FAM124A: variants seen among roughly 807,000 people sequenced by gnomAD.
The protein encoded by FAM124A is family with sequence similarity 124 member A, also known as protein FAM124A.
In FAM124A, 23 loss-of-function variants were observed where a neutral mutation model predicts 24.5. That is an observed-to-expected ratio of 0.94 (90% CI 0.68 to 1.33). The LOEUF (loss-of-function observed/expected upper bound fraction) is 1.33. FAM124A is among the 40% of genes most tolerant of loss of function. The pLI is 0.00. For synonymous variants in FAM124A, 287 were observed against 314.7 expected, an observed-to-expected ratio of 0.91 and a Z score of 0.93; for missense variants, 623 against 722.8, an observed-to-expected ratio of 0.86 and a Z score of 1.58.
At chr13:51,226,080 A>G (rs569857630) in intron 1 of FAM124A, among the ~76,000 whole-genome samples, 256 of 143,562 alleles carry the variant, frequency 1.8e-3, no homozygotes, top group Middle Eastern at 3.7e-3. Flanking sequence ...GCAACCTCAA[A>G]TTCCAAGGCT....
At chr13:51,223,510 C>G (rs1203964889) in intron 1 of FAM124A, among the ~76,000 whole-genome samples, 2 of 152,078 alleles carry the variant, frequency 1.3e-5, no homozygotes. Context: ...CCTGGAAGGT[C>G]GGAGAGGTTT....
chr13:51,268,863 C>G (rs1954814004), intron 3 of FAM124A, among the ~76,000 whole-genome samples: 1 of 152,222 alleles, frequency 6.6e-6, no homozygotes, highest in South Asian at 2.1e-4. Context: ...TCAACCAGCT[C>G]CTCTCTTCCA....
chr13:51,234,965 C>T (rs564774324), intron 2 of FAM124A, among the ~76,000 whole-genome samples: 2 of 152,240 alleles, frequency 1.3e-5, no homozygotes, highest in South Asian at 2.1e-4. Context: ...TGGGCATCGT[C>T]CTCTTTTCCT....
Position 51,251,479 on chromosome 13 carries a change from G to T in FAM124A, c.112G>T (p.Val38Phe). Residue 38 changes from valine (V) to phenylalanine (F), a missense_variant, in exon 3 of 4, where the codon GTT becomes TTT. Coordinates refer to ENST00000322475, the MANE Select transcript of FAM124A (RefSeq NM_001242312.2). The surrounding 1 kb of genome is among the most constrained non-coding windows in gnomAD (Gnocchi z 5.3). ...HLSSTSSELS[V>F]EEAQDPFLVS... is the part of the protein sequence containing the mutation. ...TTGCGTGCCCCCAGGTGAGCTTTCC[G>T]TTGAAGAGGCGCAGGACCCTTTCCT... The T allele has an allele frequency of 2.0e-5, 30 of 1,499,790 alleles. No homozygotes were observed. Among genetic ancestry groups the T allele is most frequent in the Non-Finnish European group, 2.6e-5 (29 of 1,123,870 alleles). The allele number at this position is 1,499,790 out of a possible 1,614,324, so 92.9% of individuals were successfully genotyped here.
Position 51,251,519 on chromosome 13 carries a change from T to A in FAM124A, c.152T>A (p.Ile51Lys). ...AQDPFLVSIH[I>K]IADPGESQPL... ...GACCCTTTCCTGGTCAGCATCCACA[T>A]AATCGCAGACCCAGGGGAGTCCCAG... The change falls in exon 3 of 4, where the codon ATA becomes AAA. Residue 51 changes from isoleucine to lysine, a missense_variant. Ile to Lys is a moderately radical substitution (Grantham distance 102). Transcript: ENST00000322475. The surrounding 1 kb of genome is among the most constrained non-coding windows in gnomAD (Gnocchi z 5.3). The A allele has an allele frequency of 6.6e-7, 1 of 1,512,926 alleles. No individual in the cohort carries two copies. The allele number at this position is 1,512,926 out of a possible 1,614,324, so 93.7% of individuals were successfully genotyped here.
chr13:51,245,923 A>T (rs547242848), intron 2 of FAM124A, among the ~76,000 whole-genome samples: 2 of 152,320 alleles, frequency 1.3e-5, no homozygotes, highest in South Asian at 2.1e-4. Context: ...TGTTGGAAAA[A>T]ATATATATAT....
At chr13:51,255,749 G>T (rs981621830) in intron 3 of FAM124A, among the ~76,000 whole-genome samples, 2 of 151,994 alleles carry the variant, frequency 1.3e-5, no homozygotes, top group African/African-American at 4.8e-5. Context: ...GGTATGCCCA[G>T]CCAGATGTAG....
At chr13:51,245,020 G>A (rs1367338359) in intron 2 of FAM124A, among the ~76,000 whole-genome samples, 1 of 152,252 alleles carries the variant, frequency 6.6e-6, no homozygotes, top group African/African-American at 2.4e-5. Flanking sequence ...AATCAAGGAT[G>A]TGGACACACA....
chr13:51,280,866 C>G lies in FAM124A; in HGVS notation c.1251C>G (p.Gly417=). The change falls in exon 4 of 4, where the codon GGC becomes GGG. Residue 417 remains glycine (G), a synonymous_variant. Coordinates refer to ENST00000322475, the MANE Select transcript of FAM124A (RefSeq NM_001242312.2). ...EGAQETDVDT[G]LRLSSSDLSV... Reference sequence around the variant, plus strand: ...CCCAGGAGACAGACGTGGACACAGGCCTGCGGCTGTCCTCATCGGACCTGT... The same window carrying G: ...CCCAGGAGACAGACGTGGACACAGGGCTGCGGCTGTCCTCATCGGACCTGT... 1.2e-6 allele frequency: 2 copies of G among 1,614,158 alleles called. No homozygotes were observed. The highest frequency in any genetic ancestry group is 1.7e-6 in the Non-Finnish European group (2 of 1,180,036).
chr13:51,222,641 G>A (rs1012009461), intron 1 of FAM124A, 72 bp downstream of exon 1: 215 of 1,192,042 alleles, frequency 1.8e-4, no homozygotes, highest in Admixed American at 3.9e-4. Context: ...CCCCGGACGG[G>A]GACCCTCCTG....
intron 1 of FAM124A, among the ~76,000 whole-genome samples, chr13:51,228,048 C>T (rs1014110966): frequency 3.3e-5 from 5 of 152,120 alleles, no homozygotes; most frequent in Non-Finnish European, 7.4e-5. Flanking sequence ...CTAGTTAACA[C>T]TAAATTTAAT....
intron 3 of FAM124A, among the ~76,000 whole-genome samples, chr13:51,274,399 C>T (rs1281873386): frequency 6.6e-6 from 1 of 152,180 alleles, no homozygotes; most frequent in African/African-American, 2.4e-5. Context: ...TTCCTTTGAG[C>T]ATCATGTCAG....
chr13:51,222,544 G>C lies in FAM124A; in HGVS notation c.43G>C (p.Val15Leu). ...CGGCGGCGGCGAGGAGGACGACTGC[G>C]TGGACTCGGGCGCCGAGACCGGAGG... is the stretch of plus-strand genomic sequence containing the variant. ...AGGGGEEDDCVDSGAETGGSD... is the reference protein window; with the variant it reads ...AGGGGEEDDCLDSGAETGGSD... The change falls in exon 1 of 4, where the codon GTG (valine) becomes CTG (leucine). Residue 15 changes from valine (V) to leucine (L), a missense_variant. Val to Leu is a conservative substitution (Grantham distance 32). Transcript: ENST00000322475. The C allele has an allele frequency of 8.2e-7, 1 of 1,226,018 alleles. No homozygotes were observed. Among genetic ancestry groups the C allele is most frequent in the Non-Finnish European group, 1.0e-6 (1 of 985,194 alleles). The allele number at this position is 1,226,018 out of a possible 1,614,324, so 75.9% of individuals were successfully genotyped here.
At chr13:51,265,283 C>A (rs1376801171) in intron 3 of FAM124A, among the ~76,000 whole-genome samples, 1 of 152,176 alleles carries the variant, frequency 6.6e-6, no homozygotes. Context: ...ACCGCCTCAA[C>A]TTCTGTGACA....
chr13:51,237,492 T>G (rs1057317845), intron 2 of FAM124A, among the ~76,000 whole-genome samples: 2 of 152,208 alleles, frequency 1.3e-5, no homozygotes, highest in African/African-American at 4.8e-5. Context: ...GCAAAACTCT[T>G]CTCAAAGGAG....
intron 3 of FAM124A, among the ~76,000 whole-genome samples, chr13:51,257,303 A>G (rs1954685476): frequency 6.6e-6 from 1 of 152,228 alleles, no homozygotes; most frequent in Non-Finnish European, 1.5e-5. Flanking sequence ...ATTCCCAGCA[A>G]GAGTGCACAA....
At chr13:51,241,138 T>C (rs1318328374) in intron 2 of FAM124A, among the ~76,000 whole-genome samples, 1 of 152,184 alleles carries the variant, frequency 6.6e-6, no homozygotes, top group Non-Finnish European at 1.5e-5. Context: ...TCCTCTGTTA[T>C]GAGTTAAAAC....
chr13:51,277,695 G>C (rs1954897442), intron 3 of FAM124A, among the ~76,000 whole-genome samples: 1 of 152,198 alleles, frequency 6.6e-6, no homozygotes, highest in African/African-American at 2.4e-5. Flanking sequence ...TCAGGAGGCT[G>C]AGGCAGAAGA....
rs950619939 is a variant in FAM124A at position 51,248,209 on chromosome 13, C to T, written c.101-3259C>T. Among the ~76,000 whole-genome samples, 69 of 152,180 alleles carry T rather than the reference C, an allele frequency of 4.5e-4. 1 individual carries two copies. Among genetic ancestry groups the T allele is most frequent in the Admixed American group, 4.4e-3 (68 of 15,284 alleles). On this transcript the variant is annotated intron_variant, in intron 2 of 3. Transcript: ENST00000322475. ...AGGTGGAACTTTCTGTCTTTTCCCA[C>T]AAATCTGCCCTTCTTCCTCTATTTC...
Sources: gnomAD v4.1 joint callset for allele counts (sites outside exome capture counted in the v4.1 genomes callset) on GRCh38, gnomAD v4.1.1 for gene constraint, Gnocchi (gnomAD v3.1) non-coding constraint, MANE v1.5 for transcripts, NCBI Gene and HGNC (gene_info 2026-07-23, HGNC 2026-07-21) for gene names.